Variants in MED30 observed in about 807,000 individuals in gnomAD.
The protein encoded by MED30 is mediator complex subunit 30, also known as mediator of RNA polymerase II transcription subunit 30.
A neutral mutation model predicts 21.7 loss-of-function variants in MED30; 8 were observed. The ratio of observed to expected loss-of-function variants is 0.37; its 90% CI spans 0.22 to 0.67. MED30 has a LOEUF of 0.67. MED30 is among the 30% of genes least tolerant of loss of function. The pLI is 0.58. For synonymous variants in MED30, 79 were observed against 86.7 expected (o/e 0.91, Z 0.49); for missense variants, 203 against 228.2 (o/e 0.89, Z 0.71).
At chr8:117,533,077 A>G (rs1818813226) in intron 3 of MED30, among the ~76,000 whole-genome samples, 1 of 152,126 alleles carries the variant, frequency 6.6e-6, no homozygotes, top group Admixed American at 6.5e-5. Flanking sequence ...TAACTAATGT[A>G]AACATAGTTT....
intron 2 of MED30, among the ~76,000 whole-genome samples, chr8:117,529,845 A>G (rs1167951304): frequency 6.6e-6 from 1 of 151,968 alleles, no homozygotes; most frequent in Non-Finnish European, 1.5e-5. Context: ...TAATCAGGGC[A>G]CAGGAATGGA....
In MED30 at chr8:117,520,891, G is replaced by C. The variant is rs755234470; in HGVS notation, c.15G>C (p.Pro5=). Residue 5 remains proline, a synonymous_variant, in exon 1 of 4, where the codon CCG becomes CCC. Transcript: ENST00000297347. ...GCAGCCGCGCCATGTCCACCCCTCCGTTGGCCGCGTCGGGGATGGCGCCCG... is the reference window on the plus strand; with the variant it reads ...GCAGCCGCGCCATGTCCACCCCTCCCTTGGCCGCGTCGGGGATGGCGCCCG... The part of the protein sequence containing the change: MSTP[P]LAASGMAPGP... 1.2e-6 allele frequency: 2 copies of C among 1,601,732 alleles called. No individual in the cohort carries two copies. The highest frequency in any genetic ancestry group is 1.7e-6 in the Non-Finnish European group (2 of 1,174,512).
Position 117,523,330 on chromosome 8 carries a change from G to A in MED30, c.177+2277G>A, listed in dbSNP as rs2130809046. The A allele has an allele frequency of 1.1e-5, 16 of 1,448,652 alleles. No individual in the cohort carries two copies. The South Asian group carries it at 1.8e-4, about 16-fold the overall frequency. 89.7% of individuals were successfully genotyped at this position (1,448,652 alleles called of 1,614,324 possible). On this transcript the variant is annotated intron_variant, in intron 1 of 3. Coordinates refer to ENST00000297347, the MANE Select transcript of MED30 (RefSeq NM_080651.4). ...AAACTGGAATTCGGTTGTTGACCCA[G>A]CCCCAGTCTCGGCTTTCTTGTCGGC...
intron 1 of MED30, among the ~76,000 whole-genome samples, chr8:117,522,317 T>C (rs1348130647): frequency 2.6e-5 from 4 of 152,230 alleles, no homozygotes; most frequent in Non-Finnish European, 5.9e-5. Flanking sequence ...AAGCTTTATA[T>C]TTAGGTCTAC....
chr8:117,520,714 TG>T lies in MED30; in HGVS notation c.-162del, dbSNP rs148584171. ...GCGGTGTCTATGACGTTTTCTGACG[TG>T]TTACGTCACAGTGGGCGGAAGTCGC... On this transcript the variant is annotated 5_prime_UTR_variant, in exon 1 of 4. Transcript: ENST00000297347. 0.18 allele frequency: 118,974 copies of T among 677,364 alleles called. 11,415 individuals are homozygous for T. The highest frequency in any genetic ancestry group is 0.2 in the Non-Finnish European group (85,003 of 415,796). 42.0% of individuals were successfully genotyped at this position (677,364 alleles called of 1,614,324 possible). A position where few individuals can be genotyped will look rare whatever the true frequency, so the allele number is the denominator to read the frequency against.
At chr8:117,538,973 C>CTT (rs1443467050) in intron 3 of MED30, among the ~76,000 whole-genome samples, 4 of 152,152 alleles carry the variant, frequency 2.6e-5, no homozygotes, top group Admixed American at 6.6e-5. Context: ...AGGCATTGTA[C>CTT]TTTTATTATA....
chr8:117,539,197 CA>C (rs1357359992), intron 3 of MED30, among the ~76,000 whole-genome samples: 1 of 152,102 alleles, frequency 6.6e-6, no homozygotes, highest in Non-Finnish European at 1.5e-5. Context: ...TTGTAAGTTT[CA>C]TAGTGAAGGA....
At chr8:117,525,290 A>T (rs1818701501) in intron 1 of MED30, among the ~76,000 whole-genome samples, 1 of 149,830 alleles carries the variant, frequency 6.7e-6, no homozygotes, top group South Asian at 2.1e-4. Flanking sequence ...TTAATTATTT[A>T]TATTTTTTTC....
chr8:117,522,851 T>G (rs1372652092), intron 1 of MED30, among the ~76,000 whole-genome samples: 1 of 152,082 alleles, frequency 6.6e-6, no homozygotes, highest in Non-Finnish European at 1.5e-5. Flanking sequence ...TAGCATACTT[T>G]AAAAAAAATT....
chr8:117,529,198 A>G (rs2130813637), intron 2 of MED30, among the ~76,000 whole-genome samples: 2 of 151,820 alleles, frequency 1.3e-5, no homozygotes, highest in East Asian at 3.9e-4. Flanking sequence ...TATTTTTATT[A>G]TTATTAATTT....
chr8:117,533,144 C>T (rs1818814010), intron 3 of MED30, among the ~76,000 whole-genome samples: 2 of 152,108 alleles, frequency 1.3e-5, no homozygotes, highest in South Asian at 4.1e-4. Flanking sequence ...TGTGTAAATT[C>T]AGAAAGATAC....
chr8:117,529,559 T>C (rs1055896292), intron 2 of MED30, among the ~76,000 whole-genome samples: 1 of 151,900 alleles, frequency 6.6e-6, no homozygotes, highest in African/African-American at 2.4e-5. Context: ...TTCAGTGAAA[T>C]GATAGCAGCG....
At chr8:117,537,454 ACTCTGGAT>A (rs1818898650) in intron 3 of MED30, among the ~76,000 whole-genome samples, 1 of 152,070 alleles carries the variant, frequency 6.6e-6, no homozygotes, top group Admixed American at 6.6e-5. Flanking sequence ...ACATGTTTTG[ACTCTGGAT>A]ATTTTATTTG....
At chr8:117,525,539 C>T (rs905285685) in intron 1 of MED30, among the ~76,000 whole-genome samples, 1 of 151,776 alleles carries the variant, frequency 6.6e-6, no homozygotes, top group Non-Finnish European at 1.5e-5. Flanking sequence ...GACTTCTAGG[C>T]CTTATGCCTA....
intron 1 of MED30, among the ~76,000 whole-genome samples, chr8:117,527,690 A>G: frequency 6.7e-6 from 1 of 148,818 alleles, no homozygotes; most frequent in South Asian, 2.1e-4. Context: ...AAAGAAAAAA[A>G]TGCAAACTGA....
chr8:117,526,921 A>G (rs1818727731), intron 1 of MED30, among the ~76,000 whole-genome samples: 1 of 151,986 alleles, frequency 6.6e-6, no homozygotes, highest in Admixed American at 6.5e-5. Context: ...TACATAATAC[A>G]TCTTAATAAA....
At chr8:117,522,423 C>G (rs1276959183) in intron 1 of MED30, among the ~76,000 whole-genome samples, 1 of 152,138 alleles carries the variant, frequency 6.6e-6, no homozygotes, top group Non-Finnish European at 1.5e-5. Context: ...CCAGTTGTTC[C>G]AGCACCATTT....
intron 3 of MED30, 129 bp downstream of exon 3, chr8:117,530,956 C>T: frequency 1.5e-6 from 1 of 683,444 alleles, no homozygotes; most frequent in Admixed American, 2.7e-5. Context: ...CAAACTTCAC[C>T]TATTTAGAAT....
At chr8:117,521,545 C>T (rs1398586106) in intron 1 of MED30, among the ~76,000 whole-genome samples, 1 of 152,156 alleles carries the variant, frequency 6.6e-6, no homozygotes, top group Non-Finnish European at 1.5e-5. Context: ...TCACCACAAT[C>T]AAAATAGTGT....
Sources: gnomAD v4.1 joint callset for allele counts (sites outside exome capture counted in the v4.1 genomes callset) on GRCh38, gnomAD v4.1.1 for gene constraint, MANE v1.5 for transcripts, NCBI Gene and HGNC (gene_info 2026-07-23, HGNC 2026-07-21) for gene names.